The following HS3ST3A1 variants were observed in gnomAD, a reference collection of about 807,000 sequenced individuals.
HS3ST3A1 encodes the protein heparan sulfate glucosamine 3-O-sulfotransferase 3A1.
Under a neutral mutation model 25.7 loss-of-function variants are expected in HS3ST3A1, and 19 were observed. The observed-to-expected ratio is 0.74, with a 90% CI of 0.52 to 1.08. The LOEUF (loss-of-function observed/expected upper bound fraction) is 1.08. HS3ST3A1 is among the 50% of genes least tolerant of loss of function. The pLI is 0.00. For missense variants in HS3ST3A1, 459 were observed against 594.3 expected (o/e 0.77, Z 2.37); for synonymous variants, 226 against 278.6 (o/e 0.81, Z 1.88).
chr17:13,598,083 GAA>G (rs1213908878), intron 1 of HS3ST3A1, among the ~76,000 whole-genome samples: 1 of 152,158 alleles, frequency 6.6e-6, no homozygotes, highest in Non-Finnish European at 1.5e-5. Context: ...CAAATATCTG[GAA>G]TTTATTTCTG....
chr17:13,512,847 C>T (rs1012576630), intron 1 of HS3ST3A1, among the ~76,000 whole-genome samples: 1 of 151,936 alleles, frequency 6.6e-6, no homozygotes, highest in Non-Finnish European at 1.5e-5. Flanking sequence ...CATTGCTGGC[C>T]CATCAACAGA....
At chr17:13,498,093 T>G (rs1157874170) in intron 1 of HS3ST3A1, among the ~76,000 whole-genome samples, 1 of 152,214 alleles carries the variant, frequency 6.6e-6, no homozygotes, top group Non-Finnish European at 1.5e-5. Context: ...AAGGCCTATT[T>G]TATTTATAAA....
chr17:13,532,935 A>ACTT (rs1319045935), intron 1 of HS3ST3A1, among the ~76,000 whole-genome samples: 1 of 150,480 alleles, frequency 6.6e-6, no homozygotes, highest in Non-Finnish European at 1.5e-5. Context: ...ACATGCTTTG[A>ACTT]CTTATGATAA....
chr17:13,527,122 C>T (rs574638422), intron 1 of HS3ST3A1, among the ~76,000 whole-genome samples: 1 of 152,240 alleles, frequency 6.6e-6, no homozygotes, highest in African/African-American at 2.4e-5. Flanking sequence ...GGCTGCTATA[C>T]GTGGGAAACA....
At position 13,552,909 on chromosome 17, in the gene HS3ST3A1, C is replaced by A. The variant is rs540482574; in HGVS notation, c.599+47622G>T. On this transcript the variant is annotated intron_variant, in intron 1 of 1. Coordinates refer to ENST00000284110, the MANE Select transcript of HS3ST3A1 (RefSeq NM_006042.3). ...ATCAAGTCAAGAACTTCTTCCCTCT[C>A]TGGTAGACTTACAGTCCTCCCCTTT... Among the ~76,000 whole-genome samples, 3 of 152,284 alleles carry A rather than the reference C, an allele frequency of 2.0e-5. No homozygotes were observed. The East Asian group carries it at 5.8e-4, about 29-fold the overall frequency.
At position 13,592,606 on chromosome 17, in the gene HS3ST3A1, G is replaced by A. The variant is rs549434336; in HGVS notation, c.599+7925C>T. On this transcript the variant is annotated intron_variant, in intron 1 of 1. Coordinates refer to ENST00000284110, the MANE Select transcript of HS3ST3A1 (RefSeq NM_006042.3). ...CTTGCACGAAAGCAGTTGATAAAAC[G>A]GATCCAATAAAGATAAGTGAATGAA... Among the ~76,000 whole-genome samples the A allele has an allele frequency of 4.6e-5, 7 of 152,254 alleles. No individual in the cohort carries two copies. In the East Asian group the frequency reaches 9.6e-4, roughly 21 times the overall value.
chr17:13,560,602 T>C (rs762286178), intron 1 of HS3ST3A1, among the ~76,000 whole-genome samples: 3 of 152,192 alleles, frequency 2.0e-5, no homozygotes, highest in Non-Finnish European at 4.4e-5. Flanking sequence ...GAGTTTCTTT[T>C]AGTCTGGATA....
At chr17:13,545,268 C>G (rs1907053349) in intron 1 of HS3ST3A1, among the ~76,000 whole-genome samples, 1 of 152,286 alleles carries the variant, frequency 6.6e-6, no homozygotes, top group Non-Finnish European at 1.5e-5. Context: ...CTTAATGACA[C>G]CAGATAGTGT....
intron 1 of HS3ST3A1, among the ~76,000 whole-genome samples, chr17:13,538,832 C>G (rs1303957467): frequency 6.6e-6 from 1 of 152,160 alleles, no homozygotes; most frequent in African/African-American, 2.4e-5. Flanking sequence ...AAAACAAAAT[C>G]TATCAGAAAT....
At chr17:13,524,802 T>C (rs1397681648) in intron 1 of HS3ST3A1, among the ~76,000 whole-genome samples, 1 of 152,188 alleles carries the variant, frequency 6.6e-6, no homozygotes, top group East Asian at 1.9e-4. Context: ...CCTACAAATC[T>C]ATAATTGTTT....
intron 1 of HS3ST3A1, among the ~76,000 whole-genome samples, chr17:13,598,233 CTTAATAT>C (rs1908633791): frequency 6.6e-6 from 1 of 151,902 alleles, no homozygotes; most frequent in Non-Finnish European, 1.5e-5. Flanking sequence ...CTAAAATGCA[CTTAATAT>C]TTAAGTGGCA....
At chr17:13,556,477 C>T (rs1907377348) in intron 1 of HS3ST3A1, among the ~76,000 whole-genome samples, 1 of 146,340 alleles carries the variant, frequency 6.8e-6, no homozygotes, top group African/African-American at 2.6e-5. Flanking sequence ...CACTGCACTC[C>T]AGCCTAGGCG....
chr17:13,593,756 CAG>C (rs148746251), intron 1 of HS3ST3A1, among the ~76,000 whole-genome samples: 17,146 of 152,168 alleles, frequency 0.11, 1,022 homozygotes, highest in Middle Eastern at 0.15. Flanking sequence ...AAAAATAGCA[CAG>C]AGAATTCGCA....
chr17:13,527,829 G>A (rs1906482782), intron 1 of HS3ST3A1, among the ~76,000 whole-genome samples: 1 of 152,158 alleles, frequency 6.6e-6, no homozygotes, highest in African/African-American at 2.4e-5. Context: ...TAATTGCGTG[G>A]GGACTTCAAG....
chr17:13,508,043 G>GCT (rs1905741130), intron 1 of HS3ST3A1, among the ~76,000 whole-genome samples: 1 of 152,156 alleles, frequency 6.6e-6, no homozygotes, highest in Non-Finnish European at 1.5e-5. Context: ...GGGAGAGGAA[G>GCT]ACTTATATTT....
intron 1 of HS3ST3A1, among the ~76,000 whole-genome samples, chr17:13,589,958 C>T (rs1010895528): frequency 1.5e-4 from 23 of 152,192 alleles, no homozygotes; most frequent in African/African-American, 5.6e-4. Context: ...TCAAACCAGC[C>T]TGGCAACTTT....
chr17:13,532,923 AC>A (rs1302558266), intron 1 of HS3ST3A1, among the ~76,000 whole-genome samples: 8 of 151,610 alleles, frequency 5.3e-5, no homozygotes, highest in African/African-American at 1.9e-4. Context: ...ACACACACAC[AC>A]ACATGCTTTG....
At chr17:13,532,901 T>TCA (rs1567616318) in intron 1 of HS3ST3A1, among the ~76,000 whole-genome samples, 1 of 83,234 alleles carries the variant, frequency 1.2e-5, no homozygotes, top group African/African-American at 6.5e-5. Flanking sequence ...GTGTATATGT[T>TCA]TATATACACA....
intron 1 of HS3ST3A1, among the ~76,000 whole-genome samples, chr17:13,548,638 C>T (rs565303553): frequency 2.0e-5 from 3 of 152,114 alleles, no homozygotes; most frequent in Non-Finnish European, 4.4e-5. Flanking sequence ...GCTTCTGGGT[C>T]GGGCGGGGAC....
Sources: allele counts gnomAD v4.1 joint callset (sites outside exome capture counted in the v4.1 genomes callset), GRCh38; gene constraint gnomAD v4.1.1; transcripts MANE v1.5; gene names NCBI Gene and HGNC (gene_info 2026-07-23, HGNC 2026-07-21).